Variants in ZNF850 observed in about 807,000 individuals in gnomAD.
The protein encoded by ZNF850 is zinc finger protein 850, also known as putative zinc finger protein ENSP00000330994.
ZNF850 carries 2 observed loss-of-function variants against 11.9 expected under a neutral mutation model. The observed-to-expected ratio is 0.17, with a 90% CI of 0.07 to 0.53. ZNF850 has a LOEUF of 0.53. Among genes scored for constraint, ZNF850 ranks in the 20% least tolerant of loss-of-function variants. The probability of loss-of-function intolerance (pLI) is 0.94; values close to 1 mark genes in which losing one functional copy is unlikely to be tolerated. For missense variants in ZNF850, 1,014 were observed against 1,316.4 expected, an observed-to-expected ratio of 0.77 and a Z score of 3.55; for synonymous variants, 381 against 443.0, an observed-to-expected ratio of 0.86 and a Z score of 1.76.
intron 4 of ZNF850, among the ~76,000 whole-genome samples, chr19:36,754,595 A>G (rs750346615): frequency 6.6e-6 from 1 of 152,032 alleles, no homozygotes; most frequent in African/African-American, 2.4e-5. Flanking sequence ...TCACTCTGTC[A>G]CCCAGGCTGG....
chr19:36,750,916 A>G (rs2040449788), intron 4 of ZNF850, 112 bp from the exon 5 acceptor site: 1 of 1,205,546 alleles, frequency 8.3e-7, no homozygotes, highest in African/African-American at 1.5e-5. Flanking sequence ...AGAATTAAAG[A>G]TGTGTTGGGC....
At chr19:36,759,279 GC>G in intron 4 of ZNF850, among the ~76,000 whole-genome samples, 1 of 152,186 alleles carries the variant, frequency 6.6e-6, no homozygotes, top group East Asian at 1.9e-4. Context: ...TTCCAGACCA[GC>G]CCGTGGCACA....
intron 1 of ZNF850, among the ~76,000 whole-genome samples, chr19:36,767,053 A>G (rs1399413457): frequency 6.6e-6 from 1 of 152,022 alleles, no homozygotes; most frequent in African/African-American, 2.4e-5. Flanking sequence ...CATGGCCAAC[A>G]TGGTGAAACC....
intron 1 of ZNF850, among the ~76,000 whole-genome samples, chr19:36,764,305 ACAGGT>A (rs1192926697): frequency 1.3e-5 from 2 of 152,232 alleles, no homozygotes; most frequent in East Asian, 3.9e-4. Context: ...TAAACTGCAC[ACAGGT>A]CAGACAAAAG....
At chr19:36,768,178 C>T (rs1241625633) in intron 1 of ZNF850, among the ~76,000 whole-genome samples, 1 of 151,024 alleles carries the variant, frequency 6.6e-6, no homozygotes, top group African/African-American at 2.4e-5. Flanking sequence ...TGCACTCTAG[C>T]CTGGGTGACA....
At chr19:36,764,070 C>T (rs985103481) in intron 1 of ZNF850, among the ~76,000 whole-genome samples, 2 of 151,802 alleles carry the variant, frequency 1.3e-5, no homozygotes, top group Non-Finnish European at 2.9e-5. Flanking sequence ...CATGGTGAAA[C>T]CCCGTCTCCA....
Position 36,748,645 on chromosome 19 carries a change from T to C in ZNF850, c.2395A>G (p.Thr799Ala), listed in dbSNP as rs1462243642. ...TGAAGTGGCTGATGTTGAATTAGTG[T>C]TGAATGAGAAGTAAAAGATTTCCCA... ...ECGKSFTSHS[T>A]LIQHQPLHTG... Residue 799 changes from threonine (T) to alanine (A), a missense_variant, in exon 5 of 5, where the codon ACA becomes GCA. By Grantham distance (58) the Thr-to-Ala change is moderately conservative. This residue lies in a region of ZNF850 where 835 missense variants were observed against 1,022.0 expected (regional missense o/e 0.82). Coordinates refer to ENST00000591344, the MANE Select transcript of ZNF850 (RefSeq NM_001193552.2). 1 of 1,537,064 alleles carries C rather than the reference T, an allele frequency of 6.5e-7. No individual in the cohort carries two copies. Among genetic ancestry groups the C allele is most frequent in the Non-Finnish European group, 8.7e-7 (1 of 1,146,902 alleles).
chr19:36,751,125 G>A (rs1446431656), intron 4 of ZNF850, among the ~76,000 whole-genome samples: 1 of 147,290 alleles, frequency 6.8e-6, no homozygotes, highest in Non-Finnish European at 1.5e-5. Context: ...GTGATAGTAT[G>A]TACCCTTATA....
intron 4 of ZNF850, among the ~76,000 whole-genome samples, chr19:36,760,760 G>A (rs11672161): frequency 6.6e-6 from 1 of 151,972 alleles, no homozygotes; most frequent in East Asian, 1.9e-4. Flanking sequence ...AGCTACTCAA[G>A]AGGCTGAGGC....
At position 36,749,070 on chromosome 19, in the gene ZNF850, A is replaced by T. The variant is rs573432136; in HGVS notation, c.1970T>A (p.Val657Asp). 1 of 1,599,408 alleles carries T rather than the reference A, an allele frequency of 6.3e-7. No individual in the cohort carries two copies. Among genetic ancestry groups the T allele is most frequent in the African/African-American group, 1.4e-5 (1 of 72,764 alleles). The change falls in exon 5 of 5, where the codon GTC (valine) becomes GAC (aspartate). Residue 657 changes from valine (V) to aspartate (D), a missense_variant. By Grantham distance (152) the Val-to-Asp change is radical. Around this residue, in one of 2 missense-constraint regions of ZNF850, gnomAD observed 835 missense variants for 1,022.0 expected, o/e 0.82. Transcript: ENST00000591344. ...CQECGKAFVS[V>D]SGLTQHHRIH... is the part of the protein sequence containing the mutation. ...TCTGTGATGTTGGGTGAGTCCTGAG[A>T]CACTGACAAAGGCTTTCCCACATTC...
chr19:36,748,010 A>G lies in ZNF850; in HGVS notation c.3030T>C (p.Asp1010=). The G allele has an allele frequency of 1.9e-6, 3 of 1,592,074 alleles. No homozygotes were observed. Among genetic ancestry groups the G allele is most frequent in the Non-Finnish European group, 2.6e-6 (3 of 1,171,526 alleles). The part of the protein sequence containing the change: ...QRTHTGEKPY[D]CKECGKAFRC... Reference sequence around the variant, plus strand: ...TAAAGGCCTTCCCACATTCCTTACAATCATAAGGTTTCTCACCAGTGTGAG... The same window carrying G: ...TAAAGGCCTTCCCACATTCCTTACAGTCATAAGGTTTCTCACCAGTGTGAG... Residue 1010 remains aspartate, a synonymous_variant, in exon 5 of 5, where the codon GAT becomes GAC. Coordinates refer to ENST00000591344, the MANE Select transcript of ZNF850 (RefSeq NM_001193552.2).
At chr19:36,750,942 T>C in intron 4 of ZNF850, 138 bp from the exon 5 acceptor site, 1 of 945,076 alleles carries the variant, frequency 1.1e-6, no homozygotes, top group Non-Finnish European at 1.5e-6. Flanking sequence ...GGCTCATGCC[T>C]GTAATCCCAG....
intron 1 of ZNF850, among the ~76,000 whole-genome samples, chr19:36,764,767 C>T (rs1218332033): frequency 2.0e-5 from 3 of 148,394 alleles, no homozygotes; most frequent in Non-Finnish European, 3.0e-5. Flanking sequence ...CGCTCTGTCG[C>T]CCAGGCTGAA....
chr19:36,767,472 G>C (rs1323018887), intron 1 of ZNF850, among the ~76,000 whole-genome samples: 1 of 152,042 alleles, frequency 6.6e-6, no homozygotes. Context: ...CAGGAGAATC[G>C]CTTGAACCCA....
chr19:36,772,712 C>T lies in ZNF850; in HGVS notation c.-70+13G>A, dbSNP rs977416946. ...CCCTCCACACACAAAAGGACCGGAG[C>T]CGGATTCCTCACCCTCAGCATTCTC... On this transcript the variant is annotated intron_variant, in intron 1 of 4. Transcript: ENST00000591344. The T allele has an allele frequency of 6.6e-6, 1 of 152,578 alleles. No homozygotes were observed. Among genetic ancestry groups the T allele is most frequent in the African/African-American group, 2.4e-5 (1 of 41,424 alleles). 9.5% of individuals were successfully genotyped at this position (152,578 alleles called of 1,614,324 possible).
chr19:36,750,239 A>T lies in ZNF850; in HGVS notation c.801T>A (p.His267Gln), dbSNP rs1673082. Reference protein sequence around the residue: ...ESVKAFRPSAHLIQHWRIHTG... With the variant: ...ESVKAFRPSAQLIQHWRIHTG... ...TATGAATTCTCCAATGTTGAATAAG[A>T]TGTGCAGACGGTCTAAAGGCCTTCA... Residue 267 changes from histidine to glutamine, a missense_variant, in exon 5 of 5, where the codon CAT becomes CAA. His to Gln is a conservative substitution (Grantham distance 24). Coordinates refer to ENST00000591344, the MANE Select transcript of ZNF850 (RefSeq NM_001193552.2). 3.3e-6 allele frequency: 5 copies of T among 1,538,126 alleles called. No homozygotes were observed. The South Asian group carries it at 4.8e-5, about 15-fold the overall frequency.
At chr19:36,764,946 A>G (rs1356985122) in intron 1 of ZNF850, among the ~76,000 whole-genome samples, 2 of 151,960 alleles carry the variant, frequency 1.3e-5, no homozygotes, top group East Asian at 3.9e-4. Context: ...CTTGGCTCCC[A>G]AAGTACTGGG....
chr19:36,747,749 AAC>A lies in ZNF850; in HGVS notation c.*16_*17del. ...GATGATCCATGACAAATGGCATGAG[AAC>A]AGTTTCCTACATTAATTATGTTAGG... On this transcript the variant is annotated 3_prime_UTR_variant, in exon 5 of 5. Transcript: ENST00000591344. The A allele has an allele frequency of 6.8e-7, 1 of 1,477,028 alleles. No homozygotes were observed. Among genetic ancestry groups the A allele is most frequent in the Non-Finnish European group, 9.0e-7 (1 of 1,117,126 alleles). The allele number at this position is 1,477,028 out of a possible 1,614,324, so 91.5% of individuals were successfully genotyped here.
Position 36,748,270 on chromosome 19 carries a change from G to A in ZNF850, c.2770C>T (p.Pro924Ser). 3 of 1,557,958 alleles carry A rather than the reference G, an allele frequency of 1.9e-6. No homozygotes were observed. Among genetic ancestry groups the A allele is most frequent in the Non-Finnish European group, 2.6e-6 (3 of 1,155,756 alleles). ...TTTCCACATTCATGACATCGATAAG[G>A]TTTCTCACCAGTATGGATTCGTTGA... is the stretch of plus-strand genomic sequence containing the variant. ...QHQRIHTGEKPYRCHECGKAF... is the reference protein window; with the variant it reads ...QHQRIHTGEKSYRCHECGKAF... Residue 924 changes from proline to serine, a missense_variant, in exon 5 of 5, where the codon CCT (proline) becomes TCT (serine). Physicochemically the swap from Pro to Ser is moderately conservative, Grantham distance 74. Coordinates refer to ENST00000591344, the MANE Select transcript of ZNF850 (RefSeq NM_001193552.2).
Sources: gnomAD v4.1 joint callset for allele counts (sites outside exome capture counted in the v4.1 genomes callset) on GRCh38, gnomAD v4.1.1 for gene constraint, gnomAD v4.1.1 regional missense constraint, MANE v1.5 for transcripts, NCBI Gene and HGNC (gene_info 2026-07-23, HGNC 2026-07-21) for gene names.